SLC4A8: variants seen among roughly 807,000 people sequenced by gnomAD.
SLC4A8 encodes the protein solute carrier family 4 member 8.
SLC4A8 carries 40 observed loss-of-function variants against 125.0 expected under a neutral mutation model. The observed-to-expected ratio is 0.32, with a 90% CI of 0.25 to 0.42. The LOEUF is 0.42. SLC4A8 is among the 10% of genes least tolerant of loss of function. The pLI is 1.00. For synonymous variants in SLC4A8, 456 were observed against 476.0 expected, an observed-to-expected ratio of 0.96 and a Z score of 0.55; for missense variants, 863 against 1,355.1, an observed-to-expected ratio of 0.64 and a Z score of 5.70.
intron 1 of SLC4A8, among the ~76,000 whole-genome samples, chr12:51,440,071 G>C (rs894775388): frequency 3.9e-5 from 6 of 152,174 alleles, no homozygotes; most frequent in African/African-American, 1.4e-4. Context: ...GACAGAGGAG[G>C]CCTGATAAGA....
At chr12:51,501,019 C>A (rs1271869547) in intron 22 of SLC4A8, among the ~76,000 whole-genome samples, 1 of 152,152 alleles carries the variant, frequency 6.6e-6, no homozygotes, top group Non-Finnish European at 1.5e-5. Flanking sequence ...TTAGTAGAGA[C>A]CGGGTTTCAC....
At chr12:51,490,118 T>G (rs1478438711) in intron 19 of SLC4A8, among the ~76,000 whole-genome samples, 167 bp downstream of exon 19, 1 of 152,186 alleles carries the variant, frequency 6.6e-6, no homozygotes, top group Non-Finnish European at 1.5e-5. Flanking sequence ...TTAAGAAAAT[T>G]AGTTAAGAAA....
At chr12:51,400,726 TTA>T (rs869058430) in intron 1 of SLC4A8, among the ~76,000 whole-genome samples, 40 of 41,880 alleles carry the variant, frequency 9.6e-4, no homozygotes, top group South Asian at 2.7e-3. Context: ...ATGAACTCCT[TTA>T]TATATATATA....
intron 1 of SLC4A8, among the ~76,000 whole-genome samples, chr12:51,414,176 T>G (rs1255151000): frequency 6.6e-6 from 1 of 151,356 alleles, no homozygotes; most frequent in Admixed American, 6.6e-5. Context: ...TTTTTTTTTG[T>G]AGCTATTGTA....
chr12:51,447,048 G>GTCTATCTA (rs370519301), intron 2 of SLC4A8, among the ~76,000 whole-genome samples: 3 of 71,604 alleles, frequency 4.2e-5, no homozygotes, highest in Non-Finnish European at 7.1e-5. Flanking sequence ...CTGTCTGTCT[G>GTCTATCTA]TCTGTCTGTC....
At chr12:51,470,232 C>T (rs1950652271) in intron 12 of SLC4A8, among the ~76,000 whole-genome samples, 160 bp from the exon 13 acceptor site, 1 of 152,048 alleles carries the variant, frequency 6.6e-6, no homozygotes, top group Non-Finnish European at 1.5e-5. Flanking sequence ...TATCTGTTTA[C>T]AGGAGTATTA....
At position 51,515,003 on chromosome 12, in the gene SLC4A8, C is replaced by T. The variant is rs1329041124; in HGVS notation, c.*7565C>T. On this transcript the variant is annotated 3_prime_UTR_variant, in exon 25 of 25. Transcript: ENST00000453097. The stretch of plus-strand genomic sequence containing the variant: ...AAAAGGAATAGCATTTTTCTTAAAC[C>T]TAACCCAGTTTCAGCATTGGAGAAT... The T allele has an allele frequency of 6.6e-6, 1 of 152,158 alleles. No individual in the cohort carries two copies. Among genetic ancestry groups the T allele is most frequent in the Non-Finnish European group, 1.5e-5 (1 of 68,032 alleles). 9.4% of individuals were successfully genotyped at this position (152,158 alleles called of 1,614,324 possible). A position where few individuals can be genotyped will look rare whatever the true frequency, so the allele number is the denominator to read the frequency against.
At chr12:51,479,256 T>C (rs77418709) in intron 16 of SLC4A8, among the ~76,000 whole-genome samples, 1,676 of 152,308 alleles carry the variant, frequency 0.011, 22 homozygotes, top group Non-Finnish European at 0.015. Flanking sequence ...GAAATCCCCA[T>C]ACTAAGCAGC....
rs17125765 is a variant in SLC4A8, at chr12:51,429,242, G to A, written c.48+4207G>A. Among the ~76,000 whole-genome samples the A allele has an allele frequency of 8.8e-3, 1,335 of 152,260 alleles. 16 individuals carry two copies. The highest frequency in any genetic ancestry group is 0.03 in the African/African-American group (1,266 of 41,558). ...AGGTTAAGTAATTCTAAGTGCCAGG[G>A]TTGCTTGTGGCCCTGCCAGACCCAG... On this transcript the variant is annotated intron_variant, in intron 1 of 24. Transcript: ENST00000453097.
Position 51,493,583 on chromosome 12 carries a change from A to T in SLC4A8, c.2701-121A>T. The T allele has an allele frequency of 4.4e-6, 3 of 684,758 alleles. No homozygotes were observed. The South Asian group carries it at 5.9e-5, about 13-fold the overall frequency. 42.4% of individuals were successfully genotyped at this position (684,758 alleles called of 1,614,324 possible). On this transcript the variant is annotated intron_variant, in intron 19 of 24. Transcript: ENST00000453097. ...ACCCACAGGCAGCAGAAACTAATGC[A>T]ATGTGTCTGCAGCTATTTTGTGACT...
At chr12:51,430,114 T>G (rs1949139060) in intron 1 of SLC4A8, among the ~76,000 whole-genome samples, 1 of 152,046 alleles carries the variant, frequency 6.6e-6, no homozygotes, top group Non-Finnish European at 1.5e-5. Flanking sequence ...TTTATGTGGA[T>G]CAGGCCTGCT....
intron 18 of SLC4A8, among the ~76,000 whole-genome samples, chr12:51,489,326 G>T (rs1326449446): frequency 6.6e-6 from 1 of 152,170 alleles, no homozygotes; most frequent in African/African-American, 2.4e-5. Context: ...CTGGGGGTAT[G>T]TGGTAGGAAG....
At chr12:51,471,261 T>G (rs1592240769) in intron 13 of SLC4A8, 26 bp from the exon 14 acceptor site, 1 of 1,601,820 alleles carries the variant, frequency 6.2e-7, no homozygotes, top group East Asian at 2.2e-5. Flanking sequence ...ATCCATGCGT[T>G]CTGATGAACT....
At chr12:51,429,849 G>A (rs1949129171) in intron 1 of SLC4A8, among the ~76,000 whole-genome samples, 2 of 151,730 alleles carry the variant, frequency 1.3e-5, no homozygotes, top group Non-Finnish European at 2.9e-5. Flanking sequence ...TTCATAGGGG[G>A]TAGTAATAGA....
At chr12:51,477,540 C>T (rs1442231422) in intron 16 of SLC4A8, among the ~76,000 whole-genome samples, 1 of 152,136 alleles carries the variant, frequency 6.6e-6, no homozygotes, top group Admixed American at 6.5e-5. Context: ...TTGTACTTTG[C>T]CAAAGGTAGA....
chr12:51,490,632 G>A (rs1254748460), intron 19 of SLC4A8, among the ~76,000 whole-genome samples: 1 of 151,894 alleles, frequency 6.6e-6, no homozygotes, highest in Non-Finnish European at 1.5e-5. Context: ...CATGGAAGGA[G>A]GGGAGAAAAG....
At chr12:51,475,949 C>A (rs1950841652) in intron 16 of SLC4A8, among the ~76,000 whole-genome samples, 1 of 152,132 alleles carries the variant, frequency 6.6e-6, no homozygotes, top group Non-Finnish European at 1.5e-5. Context: ...TAATAAATGA[C>A]CATTACATTT....
chr12:51,404,637 G>C (rs991883523), intron 1 of SLC4A8, among the ~76,000 whole-genome samples: 1 of 152,166 alleles, frequency 6.6e-6, no homozygotes, highest in Non-Finnish European at 1.5e-5. Context: ...GATCATCTTT[G>C]CTATTACATG....
rs1192375205 is a variant in SLC4A8 at position 51,397,436 on chromosome 12, C to T, written c.-112+5948C>T. Among the ~76,000 whole-genome samples, 3 of 151,940 alleles carry T rather than the reference C, an allele frequency of 2.0e-5. No homozygotes were observed. The East Asian group carries it at 5.8e-4, about 29-fold the overall frequency. On this transcript the variant is annotated intron_variant, in intron 1 of 24. Transcript: ENST00000358657. ...GGCTTAGCATGGCATTGGATTGGGA[C>T]GTGGACAAAGAACATAAAGAGAACA...
Sources: gnomAD v4.1 joint callset for allele counts (sites outside exome capture counted in the v4.1 genomes callset) on GRCh38, gnomAD v4.1.1 for gene constraint, MANE v1.5 for transcripts, NCBI Gene and HGNC (gene_info 2026-07-23, HGNC 2026-07-21) for gene names.